SURF6: variants seen among roughly 807,000 people sequenced by gnomAD.
SURF6 encodes surfeit locus protein 6.
Under a neutral mutation model 37.5 loss-of-function variants are expected in SURF6, and 28 were observed. The ratio of observed to expected loss-of-function variants is 0.75; its 90% CI spans 0.55 to 1.02. The LOEUF (loss-of-function observed/expected upper bound fraction) is 1.02. SURF6 is among the 50% of genes least tolerant of loss of function. SURF6 has a pLI of 0.00. For synonymous variants in SURF6, 248 were observed against 210.9 expected (o/e 1.18, Z -1.52); for missense variants, 560 against 490.5 (o/e 1.14, Z -1.34).
At chr9:133,334,314 T>A in intron 2 of SURF6, 78 bp downstream of exon 2, 3 of 1,398,702 alleles carry the variant, frequency 2.1e-6, no homozygotes, top group Non-Finnish European at 2.9e-6. Context: ...TTTTTTTTCT[T>A]AAGAGCAAAG....
intron 3 of SURF6, 61 bp downstream of exon 3, chr9:133,333,657 C>G (rs1588672194): frequency 6.5e-7 from 1 of 1,529,930 alleles, no homozygotes; most frequent in East Asian, 2.3e-5. Flanking sequence ...TCGCTGACAG[C>G]TGACCCCAGG....
Position 133,332,669 on chromosome 9 carries a change from A to G in SURF6, c.485T>C (p.Leu162Pro). The change falls in exon 4 of 5, where the codon CTG becomes CCG. Residue 162 changes from leucine to proline, a missense_variant. Leu to Pro is a moderately conservative substitution (Grantham distance 98). Coordinates refer to ENST00000372022, the MANE Select transcript of SURF6 (RefSeq NM_006753.6). ...CTTCCTGGCCTTCTCTTTCGCCCGC[A>G]GCTCCTTTCGCTTCCTCTTCTTCCG... is the stretch of plus-strand genomic sequence containing the variant. Reference protein sequence around the residue: ...RDRKKRKRKELRAKEKARKAE... With the variant: ...RDRKKRKRKEPRAKEKARKAE... 6.2e-7 allele frequency: 1 copy of G among 1,612,126 alleles called. No individual in the cohort carries two copies. Among genetic ancestry groups the G allele is most frequent in the East Asian group, 2.2e-5 (1 of 44,862 alleles).
intron 1 of SURF6, among the ~76,000 whole-genome samples, chr9:133,334,992 A>G (rs899038317): frequency 1.3e-5 from 2 of 152,138 alleles, no homozygotes; most frequent in Non-Finnish European, 2.9e-5. Flanking sequence ...TGGAGTCTCA[A>G]TCTGTTCCCC....
chr9:133,334,666 C>T (rs1835829603), intron 1 of SURF6, 65 bp from the exon 2 acceptor site: 2 of 1,562,558 alleles, frequency 1.3e-6, no homozygotes, highest in Admixed American at 1.8e-5. Context: ...GCAGGAAAGG[C>T]TCACCAAGGC....
intron 3 of SURF6, among the ~76,000 whole-genome samples, chr9:133,333,301 C>G (rs1835794039): frequency 6.6e-6 from 1 of 152,126 alleles, no homozygotes. Context: ...GGGGACTGTC[C>G]CCCACACAGC....
rs2129924448 is a variant in SURF6, at chr9:133,333,726, G to A, written c.385C>T (p.Arg129Trp). 4.5e-5 allele frequency: 73 copies of A among 1,613,684 alleles called. No homozygotes were observed. The Admixed American group carries it at 6.7e-4, about 15-fold the overall frequency. The change falls in exon 3 of 5, where the codon CGG becomes TGG. Residue 129 changes from arginine to tryptophan, a missense_variant. By Grantham distance (101) the Arg-to-Trp change is moderately radical (BLOSUM62 -3). Coordinates refer to ENST00000372022, the MANE Select transcript of SURF6 (RefSeq NM_006753.6). ...CAAACCTGCCCGCCTACCTGGCCCC[G>A]GGCCTCCTGGATCTTCTCATGCAGT... ...QRLHEKIQEARGQGSAKELSP... is the reference protein window; with the variant it reads ...QRLHEKIQEAWGQGSAKELSP...
At chr9:133,332,389 C>G (rs1835765915) in intron 4 of SURF6, 41 bp from the exon 5 acceptor site, 1 of 1,545,024 alleles carries the variant, frequency 6.5e-7, no homozygotes, top group South Asian at 1.2e-5. Context: ...CAGCCCTGCA[C>G]TAGGCCCCAG....
At chr9:133,335,972 TAC>T in intron 1 of SURF6, 65 bp downstream of exon 1, 1 of 1,372,396 alleles carries the variant, frequency 7.3e-7, no homozygotes, top group South Asian at 1.2e-5. Flanking sequence ...CAGACTCGTC[TAC>T]ACCGGCTCCG....
In SURF6 at chr9:133,331,942, T is replaced by A; in HGVS notation, c.1013A>T (p.Glu338Val). The A allele has an allele frequency of 6.3e-7, 1 of 1,588,172 alleles. No homozygotes were observed. Among genetic ancestry groups the A allele is most frequent in the Non-Finnish European group, 8.5e-7 (1 of 1,174,874 alleles). The change falls in exon 5 of 5, where the codon GAG becomes GTG. Residue 338 changes from glutamate to valine, a missense_variant. Glu to Val is a moderately radical substitution (Grantham distance 121). Coordinates refer to ENST00000372022, the MANE Select transcript of SURF6 (RefSeq NM_006753.6). ...CTTGCGGGCTCTGAGCAGGCGGCGC[T>A]CGGCGCGGGCCGCCTTCTTCCTGCG... is the stretch of plus-strand genomic sequence containing the variant. The part of the protein sequence containing the change: ...NLRRKKAARA[E>V]RRLLRARKKG...
In SURF6 at chr9:133,331,736, G is replaced by C; in HGVS notation, c.*133C>G. ...TGATCTGGGCCCTCACAACTCAGCA[G>C]AGCACCACTGTGTCCCCCTCACATG... On this transcript the variant is annotated 3_prime_UTR_variant, in exon 5 of 5. Transcript: ENST00000372022. The C allele has an allele frequency of 8.2e-7, 1 of 1,221,114 alleles. No individual in the cohort carries two copies. Among genetic ancestry groups the C allele is most frequent in the East Asian group, 2.9e-5 (1 of 34,800 alleles). 75.6% of individuals were successfully genotyped at this position (1,221,114 alleles called of 1,614,324 possible). A position where few individuals can be genotyped will look rare whatever the true frequency, so the allele number is the denominator to read the frequency against.
chr9:133,333,695 C>A (rs2129924268), intron 3 of SURF6, 23 bp downstream of exon 3: 12 of 1,611,382 alleles, frequency 7.4e-6, no homozygotes, highest in Non-Finnish European at 8.5e-6. Flanking sequence ...AGTGACGGCA[C>A]TCCAGCAAAC....
At chr9:133,335,942 A>G in intron 1 of SURF6, 97 bp downstream of exon 1, 1 of 939,806 alleles carries the variant, frequency 1.1e-6, no homozygotes, top group Non-Finnish European at 1.6e-6. Flanking sequence ...AGTCACTTAG[A>G]TTTTTTTTCT....
chr9:133,335,441 G>A (rs2129931389), intron 1 of SURF6, among the ~76,000 whole-genome samples: 120 of 152,116 alleles, frequency 7.9e-4, no homozygotes, highest in African/African-American at 2.8e-3. Flanking sequence ...GAATAAAAAG[G>A]AAACCCCGTT....
At position 133,330,920 on chromosome 9, in the gene SURF6, T is replaced by A. The variant is rs911876665; in HGVS notation, c.*949A>T. On this transcript the variant is annotated 3_prime_UTR_variant, in exon 5 of 5. Coordinates refer to ENST00000372022, the MANE Select transcript of SURF6 (RefSeq NM_006753.6). ...GCTCATGCTCACCTCACATCCTATC[T>A]TTCACAGGGCTTTTTCATCAGTTGC... is the stretch of plus-strand genomic sequence containing the variant. The A allele has an allele frequency of 6.6e-6, 1 of 152,232 alleles. No individual in the cohort carries two copies. The highest frequency in any genetic ancestry group is 2.4e-5 in the African/African-American group (1 of 41,448). 9.4% of individuals were successfully genotyped at this position (152,232 alleles called of 1,614,324 possible). A position where few individuals can be genotyped will look rare whatever the true frequency, so the allele number is the denominator to read the frequency against.
rs1588670373 is a variant in SURF6 at position 133,332,121 on chromosome 9, C to T, written c.834G>A (p.Glu278=). Reference sequence around the variant, plus strand: ...GTTCGTCGTCACGGATCTTCACGCCCTCCGCCTTGTAGAGGAGGTTGGTCC... The same window carrying T: ...GTTCGTCGTCACGGATCTTCACGCCTTCCGCCTTGTAGAGGAGGTTGGTCC... ...MKWTNLLYKA[E]GVKIRDDERL... is the part of the protein sequence containing the mutation. Residue 278 remains glutamate, a synonymous_variant, in exon 5 of 5, where the codon GAG becomes GAA. Coordinates refer to ENST00000372022, the MANE Select transcript of SURF6 (RefSeq NM_006753.6). 6.2e-7 allele frequency: 1 copy of T among 1,610,500 alleles called. No homozygotes were observed. Among genetic ancestry groups the T allele is most frequent in the Non-Finnish European group, 8.5e-7 (1 of 1,179,934 alleles).
At position 133,331,746 on chromosome 9, in the gene SURF6, G is replaced by C. The variant is rs2129911295; in HGVS notation, c.*123C>G. On this transcript the variant is annotated 3_prime_UTR_variant, in exon 5 of 5. Transcript: ENST00000372022. The stretch of plus-strand genomic sequence containing the variant: ...CCTCACAACTCAGCAGAGCACCACT[G>C]TGTCCCCCTCACATGGAGAGGCCGA... 26 of 1,297,912 alleles carry C rather than the reference G, an allele frequency of 2.0e-5. No individual in the cohort carries two copies. In the African/African-American group the frequency reaches 3.7e-4, roughly 19 times the overall value. The allele number at this position is 1,297,912 out of a possible 1,614,324, so 80.4% of individuals were successfully genotyped here.
chr9:133,332,871 G>A lies in SURF6; in HGVS notation c.394-111C>T, dbSNP rs2129921817. On this transcript the variant is annotated intron_variant, in intron 3 of 4. Transcript: ENST00000372022. ...GGAAGGCAGGTGAGAAAATCCTCAC[G>A]CAAACAAGGGGCCCGCGGAGTTCAA... 24 of 1,058,294 alleles carry A rather than the reference G, an allele frequency of 2.3e-5. No individual in the cohort carries two copies. The African/African-American group carries it at 2.4e-4, about 10-fold the overall frequency. 65.6% of individuals were successfully genotyped at this position (1,058,294 alleles called of 1,614,324 possible). A position where few individuals can be genotyped will look rare whatever the true frequency, so the allele number is the denominator to read the frequency against.
In SURF6 at chr9:133,331,921, C is replaced by T. The variant is rs2129912645; in HGVS notation, c.1034G>A (p.Arg345His). 3.8e-6 allele frequency: 6 copies of T among 1,566,184 alleles called. No individual in the cohort carries two copies. Among genetic ancestry groups the T allele is most frequent in the South Asian group, 2.3e-5 (2 of 85,534 alleles). ...CTGCGGCAGGATGCGGCCCTTCTTG[C>T]GGGCTCTGAGCAGGCGGCGCTCGGC... ...ARAERRLLRA[R>H]KKGRILPQDL... Residue 345 changes from arginine (R) to histidine (H), a missense_variant, in exon 5 of 5, where the codon CGC (arginine) becomes CAC (histidine). By Grantham distance (29) the Arg-to-His change is conservative. Coordinates refer to ENST00000372022, the MANE Select transcript of SURF6 (RefSeq NM_006753.6).
Position 133,332,209 on chromosome 9 carries a change from C to G in SURF6, c.746G>C (p.Arg249Pro), listed in dbSNP as rs2129916277. 6.2e-7 allele frequency: 1 copy of G among 1,608,122 alleles called. No individual in the cohort carries two copies. ...LLERLQARQS[R>P]LDELRGQDEG... is the part of the protein sequence containing the mutation. ...ATCCTGGCCGCGCAGCTCGTCCAGCCGGCTCTGCCGTGCCTGCAGGCGCTC... is the reference window on the plus strand; with the variant it reads ...ATCCTGGCCGCGCAGCTCGTCCAGCGGGCTCTGCCGTGCCTGCAGGCGCTC... Residue 249 changes from arginine (R) to proline (P), a missense_variant, in exon 5 of 5, where the codon CGG becomes CCG. By Grantham distance (103) the Arg-to-Pro change is moderately radical. Coordinates refer to ENST00000372022, the MANE Select transcript of SURF6 (RefSeq NM_006753.6).
Sources: allele counts gnomAD v4.1 joint callset (sites outside exome capture counted in the v4.1 genomes callset), GRCh38; gene constraint gnomAD v4.1.1; transcripts MANE v1.5; gene names NCBI Gene and HGNC (gene_info 2026-07-23, HGNC 2026-07-21).